Variants in ABCC1 observed in about 807,000 individuals in gnomAD.
ABCC1 encodes ATP binding cassette subfamily C member 1 (ABCC1 blood group).
A neutral mutation model predicts 172.9 loss-of-function variants in ABCC1; 83 were observed. The observed-to-expected ratio is 0.48, with a 90% confidence interval of 0.40 to 0.58. ABCC1 has a LOEUF of 0.58. Ranked by LOEUF, ABCC1 falls within the 20% of genes least tolerant of loss-of-function variation. The pLI, the probability that ABCC1 is intolerant of heterozygous loss-of-function variation, is 0.00. For synonymous variants in ABCC1, 937 were observed against 825.2 expected (o/e 1.14, Z -2.32); for missense variants, 1,817 against 2,002.7 (o/e 0.91, Z 1.77).
intron 13 of ABCC1, among the ~76,000 whole-genome samples, chr16:16,069,161 AT>A (rs1416188654): frequency 1.1e-3 from 152 of 141,638 alleles, no homozygotes; most frequent in African/African-American, 3.9e-3. Flanking sequence ...ATAAAATAAA[AT>A]AAAATAAAAA....
rs1333991982 is a variant in ABCC1, at chr16:16,132,506, GGTTGTTTTTTTTT to G, written c.3966+572_3966+584del. On this transcript the variant is annotated intron_variant, in intron 27 of 30. Transcript: ENST00000399410. ...GAAGTTCTTTTTTTGTTTTTTGGTT[GGTTGTTTTTTTTT>G]TTTTTTTTTTTTTTTTTTTTGAGAT... Among the ~76,000 whole-genome samples, 148 of 100,964 alleles carry G rather than the reference GGTTGTTTTTTTTT, an allele frequency of 1.5e-3. 5 individuals carry two copies. The highest frequency in any genetic ancestry group is 1.7e-3 in the Non-Finnish European group (80 of 48,004). 66.2% of individuals were successfully genotyped at this position (100,964 alleles called of 152,430 possible). A position where few individuals can be genotyped will look rare whatever the true frequency, so the allele number is the denominator to read the frequency against.
In ABCC1 at chr16:16,071,643, C is replaced by G; in HGVS notation, c.1826C>G (p.Ala609Gly). The G allele has an allele frequency of 6.2e-7, 1 of 1,613,614 alleles. No homozygotes were observed. The highest frequency in any genetic ancestry group is 8.5e-7 in the Non-Finnish European group (1 of 1,179,724). Reference protein sequence around the residue: ...LPMVISSIVQASVSLKRLRIF... With the variant: ...LPMVISSIVQGSVSLKRLRIF... ...CCCCTGCCATTGCTCTCTGTACAGG[C>G]GAGTGTCTCCCTCAAACGCCTGAGG... is the stretch of plus-strand genomic sequence containing the variant. Residue 609 changes from alanine to glycine, a missense_variant and splice_region_variant, in exon 14 of 31, where the codon GCG becomes GGG. Transcript: ENST00000399410.
intron 5 of ABCC1, among the ~76,000 whole-genome samples, chr16:16,025,570 C>G (rs747064830): frequency 6.6e-6 from 1 of 152,186 alleles, no homozygotes; most frequent in Non-Finnish European, 1.5e-5. Context: ...GCGGAGGTAA[C>G]CAGCAGAAAA....
At chr16:16,103,847 C>G (rs189879756) in intron 20 of ABCC1, among the ~76,000 whole-genome samples, 90 of 152,290 alleles carry the variant, frequency 5.9e-4, no homozygotes, top group African/African-American at 1.9e-3. Context: ...CTTGGTCTCA[C>G]TGACTTCAAG....
intron 9 of ABCC1, among the ~76,000 whole-genome samples, chr16:16,046,355 G>A (rs1006934137): frequency 4.0e-5 from 6 of 149,294 alleles, no homozygotes; most frequent in Non-Finnish European, 8.9e-5. Context: ...TTTTTTTTTC[G>A]TTTTTTTGAG....
intron 7 of ABCC1, 118 bp downstream of exon 7, chr16:16,036,721 G>T: frequency 1.8e-6 from 2 of 1,086,204 alleles, no homozygotes; most frequent in Non-Finnish European, 2.7e-6. Flanking sequence ...GTGGTTCTGG[G>T]CAAGATGCCT....
At chr16:16,114,737 T>G (rs1459501540) in intron 22 of ABCC1, 29 bp from the exon 23 acceptor site, 13 of 1,561,736 alleles carry the variant, frequency 8.3e-6, no homozygotes, top group Non-Finnish European at 1.1e-5. Context: ...CTCTCTGCAT[T>G]GTGGAGTTTT....
intron 21 of ABCC1, 90 bp from the exon 22 acceptor site, chr16:16,111,285 C>T (rs111267938): frequency 4.8e-6 from 5 of 1,049,262 alleles, no homozygotes; most frequent in East Asian, 2.4e-5. Flanking sequence ...CTGGGTGGCA[C>T]AGTGCTGGTG....
At chr16:16,092,331 A>C (rs1224275145) in intron 19 of ABCC1, among the ~76,000 whole-genome samples, 1 of 152,190 alleles carries the variant, frequency 6.6e-6, no homozygotes, top group African/African-American at 2.4e-5. Context: ...TCAGGTTTAG[A>C]ACTTTTTTTA....
rs34770208 is a variant in ABCC1, at chr16:16,118,424, C to CTTT, written c.3390+3366_3390+3368dup. 7.2e-3 allele frequency among the ~76,000 whole-genome samples: 757 copies of CTTT among 105,852 alleles called. 20 individuals carry two copies. The highest frequency in any genetic ancestry group is 0.035 in the Admixed American group (328 of 9,428). The allele number at this position is 105,852 out of a possible 152,430, so 69.4% of individuals were successfully genotyped here. The stretch of plus-strand genomic sequence containing the variant: ...TATATCCTCTTGAAATTGGTGCCAG[C>CTTT]TTTTTTTTTTTTTTTTTTTTCCCCT... On this transcript the variant is annotated intron_variant, in intron 23 of 30. Coordinates refer to ENST00000399410, the MANE Select transcript of ABCC1 (RefSeq NM_004996.4).
chr16:16,140,881 T>C (rs1351388513), intron 30 of ABCC1, among the ~76,000 whole-genome samples: 1 of 152,236 alleles, frequency 6.6e-6, no homozygotes, highest in Non-Finnish European at 1.5e-5. Context: ...TAAGATCTTT[T>C]TATTTTACTC....
chr16:15,979,489 A>T (rs1350005040), intron 1 of ABCC1, among the ~76,000 whole-genome samples: 4 of 147,000 alleles, frequency 2.7e-5, no homozygotes, highest in Non-Finnish European at 4.5e-5. Flanking sequence ...CCTGGGGCTT[A>T]TTCTCTCTCT....
At chr16:16,055,991 A>T in intron 11 of ABCC1, 101 bp from the exon 12 acceptor site, 1 of 1,025,744 alleles carries the variant, frequency 9.7e-7, no homozygotes, top group Non-Finnish European at 1.4e-6. Flanking sequence ...TTTACATGTC[A>T]AAGTATATAA....
At chr16:15,973,818 AT>A (rs894754129) in intron 1 of ABCC1, among the ~76,000 whole-genome samples, 156 of 151,576 alleles carry the variant, frequency 1.0e-3, no homozygotes, top group Non-Finnish European at 1.9e-3. Flanking sequence ...TCTACACAAA[AT>A]TAAAAAAAAA....
chr16:16,071,429 G>C (rs927711409), intron 13 of ABCC1, among the ~76,000 whole-genome samples: 3 of 151,878 alleles, frequency 2.0e-5, no homozygotes, highest in Admixed American at 6.6e-5. Flanking sequence ...TACCTTTTGT[G>C]GGCTTTTAAA....
At chr16:16,117,993 A>G (rs2044971685) in intron 23 of ABCC1, among the ~76,000 whole-genome samples, 1 of 152,148 alleles carries the variant, frequency 6.6e-6, no homozygotes, top group Non-Finnish European at 1.5e-5. Flanking sequence ...AGAAACGGTT[A>G]TATGTTCTTT....
At chr16:15,952,828 G>C (rs1298285106) in intron 1 of ABCC1, among the ~76,000 whole-genome samples, 1 of 132,400 alleles carries the variant, frequency 7.6e-6, no homozygotes, top group African/African-American at 2.9e-5. Flanking sequence ...TCAGGAGTTC[G>C]AGACCAGCCT....
At position 16,141,493 on chromosome 16, in the gene ABCC1, G is replaced by T; in HGVS notation, c.*212G>T. 1 of 570,390 alleles carries T rather than the reference G, an allele frequency of 1.8e-6. No individual in the cohort carries two copies. The highest frequency in any genetic ancestry group is 4.7e-4 in the Middle Eastern group (1 of 2,138). The allele number at this position is 570,390 out of a possible 1,614,324, so 35.3% of individuals were successfully genotyped here. A position where few individuals can be genotyped will look rare whatever the true frequency, so the allele number is the denominator to read the frequency against. ...GAAGACCCAGGAGAGACAGAGATGC[G>T]AACCACCCAAAACACGCACACCCTG... is the stretch of plus-strand genomic sequence containing the variant. On this transcript the variant is annotated 3_prime_UTR_variant, in exon 31 of 31. Coordinates refer to ENST00000399410, the MANE Select transcript of ABCC1 (RefSeq NM_004996.4).
In ABCC1 at chr16:16,016,734, A is replaced by G. The variant is rs1458402898; in HGVS notation, c.615+113A>G. 6.3e-6 allele frequency: 9 copies of G among 1,435,748 alleles called. No individual in the cohort carries two copies. The East Asian group carries it at 2.1e-4, about 34-fold the overall frequency. 88.9% of individuals were successfully genotyped at this position (1,435,748 alleles called of 1,614,324 possible). On this transcript the variant is annotated intron_variant, in intron 5 of 30. Coordinates refer to ENST00000399410, the MANE Select transcript of ABCC1 (RefSeq NM_004996.4). ...CAGGATCTCGTTCCAGCCTCCCTCAACCCCTGATACAGGGAATATCATCCC... is the reference window on the plus strand; with the variant it reads ...CAGGATCTCGTTCCAGCCTCCCTCAGCCCCTGATACAGGGAATATCATCCC...
Sources: allele counts gnomAD v4.1 joint callset (sites outside exome capture counted in the v4.1 genomes callset), GRCh38; gene constraint gnomAD v4.1.1; transcripts MANE v1.5; gene names NCBI Gene and HGNC (gene_info 2026-07-23, HGNC 2026-07-21).